The following UBE2E2 variants were observed in gnomAD, a reference collection of about 807,000 sequenced individuals.
The protein encoded by UBE2E2 is ubiquitin conjugating enzyme E2 E2, also known as ubiquitin-conjugating enzyme E2 E2.
A neutral mutation model predicts 24.7 loss-of-function variants in UBE2E2; 6 were observed. The ratio of observed to expected loss-of-function variants is 0.24; its 90% confidence interval spans 0.13 to 0.48. UBE2E2 has a LOEUF of 0.48. UBE2E2 is among the 20% of genes least tolerant of loss of function. UBE2E2 has a pLI of 0.99. For missense variants in UBE2E2, 169 were observed against 245.0 expected (o/e 0.69, Z 2.07); for synonymous variants, 104 against 83.6 (o/e 1.24, Z -1.33).
At chr3:23,532,789 A>G (rs1695153496) in intron 5 of UBE2E2, 88 bp downstream of exon 5, 2 of 1,164,874 alleles carry the variant, frequency 1.7e-6, no homozygotes, top group Non-Finnish European at 2.3e-6. Context: ...TGCTACTACC[A>G]CTACCACCAC....
intron 3 of UBE2E2, among the ~76,000 whole-genome samples, chr3:23,400,217 G>A (rs1387361115): frequency 6.6e-6 from 1 of 152,148 alleles, no homozygotes; most frequent in African/African-American, 2.4e-5. Flanking sequence ...GGAAAATCAT[G>A]TTCCTGTTAT....
chr3:23,363,424 C>G (rs973011138), intron 3 of UBE2E2, among the ~76,000 whole-genome samples: 1 of 152,198 alleles, frequency 6.6e-6, no homozygotes, highest in Non-Finnish European at 1.5e-5. Context: ...CAATGACACT[C>G]ATAGGCTATA....
At chr3:23,499,770 C>G in intron 4 of UBE2E2, 30 bp downstream of exon 4, 1 of 1,606,402 alleles carries the variant, frequency 6.2e-7, no homozygotes, top group Non-Finnish European at 8.5e-7. Flanking sequence ...TGATTTTTAG[C>G]AATATGGATT....
chr3:23,315,303 ATTT>A (rs71051213), intron 3 of UBE2E2, among the ~76,000 whole-genome samples: 8,014 of 133,110 alleles, frequency 0.06, 795 homozygotes, highest in African/African-American at 0.21. Context: ...GGTGTGCTTC[ATTT>A]TTTTTTTTTT....
At chr3:23,294,449 A>C (rs1486687111) in intron 3 of UBE2E2, among the ~76,000 whole-genome samples, 1 of 151,952 alleles carries the variant, frequency 6.6e-6, no homozygotes, top group Admixed American at 6.6e-5. Flanking sequence ...CCTTGATTAC[A>C]ATCTTATTCT....
intron 3 of UBE2E2, among the ~76,000 whole-genome samples, chr3:23,443,761 G>C (rs551642709): frequency 6.6e-6 from 1 of 152,248 alleles, no homozygotes; most frequent in African/African-American, 2.4e-5. Context: ...AAGATGCCCA[G>C]TATAATACAC....
chr3:23,363,877 T>C (rs1163136874), intron 3 of UBE2E2, among the ~76,000 whole-genome samples: 3 of 151,424 alleles, frequency 2.0e-5, no homozygotes, highest in Non-Finnish European at 4.4e-5. Flanking sequence ...TACTCTAAAA[T>C]TGACCACACA....
chr3:23,343,907 A>C lies in UBE2E2; in HGVS notation c.227+126595A>C, dbSNP rs114816806. On this transcript the variant is annotated intron_variant, in intron 3 of 5. Transcript: ENST00000396703. ...TTGTAGTTTATTCTTATTGCTGTGT[A>C]ATATTCCATTGTGTGATTATATCAT... Among the ~76,000 whole-genome samples the C allele has an allele frequency of 7.7e-3, 1,178 of 152,320 alleles. 10 individuals carry two copies. Among genetic ancestry groups the C allele is most frequent in the African/African-American group, 0.026 (1,068 of 41,572 alleles).
chr3:23,555,004 C>G (rs1052213024), intron 5 of UBE2E2, among the ~76,000 whole-genome samples: 2 of 151,618 alleles, frequency 1.3e-5, no homozygotes, highest in African/African-American at 4.8e-5. Context: ...GCAGCCTTAT[C>G]TCCTGGGTTC....
At chr3:23,564,715 G>A (rs564821280) in intron 5 of UBE2E2, among the ~76,000 whole-genome samples, 2 of 152,294 alleles carry the variant, frequency 1.3e-5, no homozygotes, top group South Asian at 2.1e-4. Flanking sequence ...AAAGCCTGGT[G>A]CTTTCCACCT....
At chr3:23,515,150 TG>T (rs1694700172) in intron 4 of UBE2E2, among the ~76,000 whole-genome samples, 1 of 149,804 alleles carries the variant, frequency 6.7e-6, no homozygotes, top group Non-Finnish European at 1.5e-5. Flanking sequence ...TGTGTGTGTG[TG>T]TGTACATATA....
chr3:23,358,063 T>C (rs1047729301), intron 3 of UBE2E2, among the ~76,000 whole-genome samples: 3 of 152,308 alleles, frequency 2.0e-5, no homozygotes, highest in African/African-American at 4.8e-5. Context: ...CTCGAGCTCT[T>C]GGGCTTGAGT....
chr3:23,340,248 A>ATGTGATAATTC (rs1167050227), intron 3 of UBE2E2, among the ~76,000 whole-genome samples: 2 of 152,102 alleles, frequency 1.3e-5, no homozygotes, highest in Non-Finnish European at 2.9e-5. Context: ...TTTGATAATC[A>ATGTGATAATTC]TGTTTTCAGA....
At chr3:23,269,434 T>C (rs1178412287) in intron 3 of UBE2E2, among the ~76,000 whole-genome samples, 3 of 152,164 alleles carry the variant, frequency 2.0e-5, no homozygotes, top group African/African-American at 7.2e-5. Flanking sequence ...CTATTGCTCT[T>C]GGGGACACAT....
At chr3:23,278,979 A>G (rs1311008793) in intron 3 of UBE2E2, among the ~76,000 whole-genome samples, 1 of 152,172 alleles carries the variant, frequency 6.6e-6, no homozygotes, top group African/African-American at 2.4e-5. Flanking sequence ...AAAGGATACT[A>G]AATTATCCCT....
At chr3:23,545,121 GGGA>G (rs1695489689) in intron 5 of UBE2E2, among the ~76,000 whole-genome samples, 1 of 151,876 alleles carries the variant, frequency 6.6e-6, no homozygotes, top group African/African-American at 2.4e-5. Flanking sequence ...CCATTGCCCA[GGGA>G]CGGGCAGGAG....
intron 3 of UBE2E2, among the ~76,000 whole-genome samples, chr3:23,297,661 C>G (rs1341434237): frequency 6.6e-6 from 1 of 152,108 alleles, no homozygotes; most frequent in African/African-American, 2.4e-5. Context: ...TGTTTTGGTA[C>G]CAGTACCATG....
rs1288115910 is a variant in UBE2E2 at position 23,407,327 on chromosome 3, A to G, written c.228-92281A>G. Reference sequence around the variant, plus strand: ...TATAAACAGCCCTAGTCTAGCTGCTACACAGCTGCTTAGTTCTGGTTCTGT... The same window carrying G: ...TATAAACAGCCCTAGTCTAGCTGCTGCACAGCTGCTTAGTTCTGGTTCTGT... On this transcript the variant is annotated intron_variant, in intron 3 of 5. Coordinates refer to ENST00000396703, the MANE Select transcript of UBE2E2 (RefSeq NM_152653.4). This position sits in a 1 kb window ranked among gnomAD's most constrained non-coding sequence, Gnocchi z 4.0. 1.3e-5 allele frequency among the ~76,000 whole-genome samples: 2 copies of G among 152,166 alleles called. No individual in the cohort carries two copies. Among genetic ancestry groups the G allele is most frequent in the African/African-American group, 4.8e-5 (2 of 41,452 alleles).
At chr3:23,330,855 AG>A (rs1024901129) in intron 3 of UBE2E2, among the ~76,000 whole-genome samples, 1 of 152,194 alleles carries the variant, frequency 6.6e-6, no homozygotes, top group African/African-American at 2.4e-5. Context: ...AAAGTATATA[AG>A]AAAGGATTTA....
Sources: allele counts gnomAD v4.1 joint callset (sites outside exome capture counted in the v4.1 genomes callset), GRCh38; gene constraint gnomAD v4.1.1; non-coding constraint Gnocchi (gnomAD v3.1); transcripts MANE v1.5; gene names NCBI Gene and HGNC (gene_info 2026-07-23, HGNC 2026-07-21).